The following ACYP2 variants were observed in gnomAD, a reference collection of about 807,000 sequenced individuals.
The protein encoded by ACYP2 is acylphosphatase-2.
A neutral mutation model predicts 11.2 loss-of-function variants in ACYP2; 12 were observed. That is an observed-to-expected ratio of 1.08 (90% CI 0.69 to 1.74). The LOEUF (loss-of-function observed/expected upper bound fraction) is 1.74. Ranked by LOEUF, ACYP2 falls within the 40% of genes most tolerant of loss-of-function variation. The probability of loss-of-function intolerance (pLI) is 0.00; values close to 1 mark genes in which losing one functional copy is unlikely to be tolerated. For synonymous variants in ACYP2, 43 were observed against 32.2 expected (o/e 1.33, Z -1.13); for missense variants, 134 against 101.9 (o/e 1.31, Z -1.35).
intron 6 of ACYP2, among the ~76,000 whole-genome samples, chr2:54,237,236 TTGTC>T (rs1262298040): frequency 6.6e-6 from 1 of 152,238 alleles, no homozygotes; most frequent in Non-Finnish European, 1.5e-5. Context: ...AAGGCCTTCT[TTGTC>T]TGATATAAAT....
chr2:54,290,221 G>A (rs1689243618), intron 6 of ACYP2, among the ~76,000 whole-genome samples: 1 of 152,086 alleles, frequency 6.6e-6, no homozygotes, highest in African/African-American at 2.4e-5. Flanking sequence ...CCCCGGGCGA[G>A]GCCGTGGCTG....
At chr2:54,241,482 TTTAA>T (rs1424673126) in intron 6 of ACYP2, among the ~76,000 whole-genome samples, 2 of 152,212 alleles carry the variant, frequency 1.3e-5, no homozygotes, top group African/African-American at 4.8e-5. Flanking sequence ...CTCAAACCTC[TTTAA>T]TTAAGACCTC....
At chr2:54,240,150 A>G (rs2103983386) in intron 6 of ACYP2, among the ~76,000 whole-genome samples, 1 of 152,338 alleles carries the variant, frequency 6.6e-6, no homozygotes, top group South Asian at 2.1e-4. Context: ...AACGTAATGA[A>G]GGTGAGTAGC....
chr2:54,223,585 G>A (rs925151594), intron 6 of ACYP2, among the ~76,000 whole-genome samples: 2 of 152,114 alleles, frequency 1.3e-5, no homozygotes, highest in African/African-American at 4.8e-5. Context: ...CACTGTGTTG[G>A]AAATGGTTGA....
In ACYP2 at chr2:54,201,620, CTTTG is replaced by C. The variant is rs57677546; in HGVS notation, c.404+62876_404+62879del. On this transcript the variant is annotated intron_variant, in intron 6 of 6. Transcript: ENST00000607452. ...TCTTTCTTTCTTTCTTTCTTTCTTTCTTTGTTTCTTTCTTTCTCTTTCTTTCTTT... is the reference window on the plus strand; with the variant it reads ...TCTTTCTTTCTTTCTTTCTTTCTTTCTTTCTTTCTTTCTCTTTCTTTCTTT... 8.6e-3 allele frequency among the ~76,000 whole-genome samples: 751 copies of C among 86,846 alleles called. 12 individuals carry two copies. Among genetic ancestry groups the C allele is most frequent in the African/African-American group, 0.027 (609 of 22,334 alleles). The allele number at this position is 86,846 out of a possible 152,430, so 57.0% of individuals were successfully genotyped here. A position where few individuals can be genotyped will look rare whatever the true frequency, so the allele number is the denominator to read the frequency against.
chr2:54,200,108 T>C (rs1684694628), intron 6 of ACYP2, among the ~76,000 whole-genome samples: 1 of 152,180 alleles, frequency 6.6e-6, no homozygotes, highest in Non-Finnish European at 1.5e-5. Context: ...AAAAGGAAAG[T>C]GTGTTTTCAG....
chr2:54,107,114 C>A (rs1679208640), intron 4 of ACYP2, among the ~76,000 whole-genome samples: 1 of 152,114 alleles, frequency 6.6e-6, no homozygotes, highest in Non-Finnish European at 1.5e-5. Flanking sequence ...ACGGGAACTG[C>A]CTTGCCTTGG....
chr2:54,257,988 AC>A (rs1687628865), intron 6 of ACYP2, among the ~76,000 whole-genome samples: 1 of 152,180 alleles, frequency 6.6e-6, no homozygotes, highest in Non-Finnish European at 1.5e-5. Context: ...TATTTATTAA[AC>A]ATTCAACAAA....
chr2:54,163,627 G>A (rs1380725311), intron 6 of ACYP2, among the ~76,000 whole-genome samples: 1 of 152,154 alleles, frequency 6.6e-6, no homozygotes, highest in African/African-American at 2.4e-5. Flanking sequence ...GGCCTAGGGG[G>A]GTGGCTCACC....
chr2:54,124,592 T>C (rs1680362348), intron 4 of ACYP2, among the ~76,000 whole-genome samples: 1 of 152,042 alleles, frequency 6.6e-6, no homozygotes, highest in East Asian at 1.9e-4. Context: ...TCCACCCAGT[T>C]TGTCAAGAAG....
At chr2:54,131,508 C>G (rs1436625946) in intron 4 of ACYP2, among the ~76,000 whole-genome samples, 4 of 152,176 alleles carry the variant, frequency 2.6e-5, no homozygotes, top group African/African-American at 9.7e-5. Context: ...ACGTGACAGG[C>G]TGCCTAGGCT....
chr2:54,205,035 C>G (rs1572933120), intron 6 of ACYP2, among the ~76,000 whole-genome samples: 1 of 151,762 alleles, frequency 6.6e-6, no homozygotes, highest in Middle Eastern at 3.4e-3. Context: ...CTTAAACATT[C>G]TTATTACATT....
intron 4 of ACYP2, among the ~76,000 whole-genome samples, chr2:54,133,437 T>C (rs1681041878): frequency 6.6e-6 from 1 of 152,228 alleles, no homozygotes; most frequent in South Asian, 2.1e-4. Flanking sequence ...TTTTCTGTCA[T>C]TTGGCTTTTG....
intron 2 of ACYP2, among the ~76,000 whole-genome samples, chr2:54,039,819 T>TTGTGTGTGTGTGTGTGTGTG (rs751604890): frequency 1.6e-5 from 2 of 126,608 alleles, no homozygotes; most frequent in Non-Finnish European, 3.3e-5. Flanking sequence ...TTGTTTTCTT[T>TTGTGTGTGTGTGTGTGTGTG]TGTGTGTGTG....
chr2:53,995,213 T>C (rs1373063829), intron 2 of ACYP2, among the ~76,000 whole-genome samples: 2 of 152,172 alleles, frequency 1.3e-5, no homozygotes, highest in African/African-American at 2.4e-5. Context: ...AGTTGTGAGA[T>C]GAAGATATCT....
intron 6 of ACYP2, among the ~76,000 whole-genome samples, chr2:54,291,044 TC>T (rs1383189611): frequency 6.6e-6 from 1 of 151,896 alleles, no homozygotes; most frequent in Non-Finnish European, 1.5e-5. Context: ...ATTCTTAACT[TC>T]CCCCTCACTC....
At chr2:53,998,371 A>G (rs929768537) in intron 2 of ACYP2, among the ~76,000 whole-genome samples, 4 of 152,170 alleles carry the variant, frequency 2.6e-5, no homozygotes, top group Non-Finnish European at 5.9e-5. Flanking sequence ...GGATCAGGGG[A>G]AGGGTTTTGT....
chr2:53,984,200 G>A (rs1405182290), intron 2 of ACYP2, among the ~76,000 whole-genome samples: 1 of 152,108 alleles, frequency 6.6e-6, no homozygotes, highest in African/African-American at 2.4e-5. Context: ...TAGCAATTAG[G>A]AACAAGAGCT....
At chr2:54,014,732 A>T (rs7597188) in intron 2 of ACYP2, among the ~76,000 whole-genome samples, 69,483 of 151,338 alleles carry the variant, frequency 0.46, 16,061 homozygotes, top group South Asian at 0.54. Flanking sequence ...GTAAAAAAAA[A>T]ATTTTTTTTC....
Sources: allele counts gnomAD v4.1 joint callset (sites outside exome capture counted in the v4.1 genomes callset), GRCh38; gene constraint gnomAD v4.1.1; transcripts MANE v1.5; gene names NCBI Gene and HGNC (gene_info 2026-07-23, HGNC 2026-07-21).